The following SRGAP2 variants were observed in gnomAD, a reference collection of about 807,000 sequenced individuals.
The protein encoded by SRGAP2 is SLIT-ROBO Rho GTPase activating protein 2.
Under a neutral mutation model 57.2 loss-of-function variants are expected in SRGAP2, and 15 were observed. That is an observed-to-expected ratio of 0.26 (90% CI 0.18 to 0.40). The LOEUF is 0.40. SRGAP2 is among the 10% of genes least tolerant of loss of function. The pLI is 1.00. For synonymous variants in SRGAP2, 249 were observed against 248.0 expected, an observed-to-expected ratio of 1.00 and a Z score of -0.04; for missense variants, 520 against 669.6, an observed-to-expected ratio of 0.78 and a Z score of 2.47.
intron 3 of SRGAP2, among the ~76,000 whole-genome samples, chr1:206,314,685 G>A (rs1403993154): frequency 6.6e-6 from 1 of 152,102 alleles, no homozygotes; most frequent in African/African-American, 2.4e-5. Flanking sequence ...AATAGTAAGG[G>A]TTTAGAAGAA....
intron 4 of SRGAP2, among the ~76,000 whole-genome samples, chr1:206,355,129 G>A (rs1425073888): frequency 6.6e-6 from 1 of 152,034 alleles, no homozygotes; most frequent in Admixed American, 6.6e-5. Context: ...GTTTGTCCAA[G>A]CCAGTATCTA....
intron 12 of SRGAP2, among the ~76,000 whole-genome samples, chr1:206,420,852 C>A (rs1306669847): frequency 2.6e-5 from 4 of 152,062 alleles, no homozygotes; most frequent in Admixed American, 2.0e-4. Context: ...AGAAACAAAA[C>A]AAAAAGCATC....
intron 4 of SRGAP2, among the ~76,000 whole-genome samples, chr1:206,378,799 C>T (rs576533256): frequency 9.8e-5 from 15 of 152,292 alleles, no homozygotes; most frequent in Admixed American, 6.5e-4. Context: ...TAACACTCAC[C>T]GCGAAGGTCC....
intron 5 of SRGAP2, among the ~76,000 whole-genome samples, chr1:206,388,286 G>A (rs1387328844): frequency 6.6e-6 from 1 of 152,202 alleles, no homozygotes; most frequent in Admixed American, 6.5e-5. Flanking sequence ...AGCTACTTCA[G>A]ACTGGTATTT....
rs1416944857 is a variant in SRGAP2, at chr1:206,232,923, AAAC to A, written c.67+26890_67+26892del. ...TTAGAATGCATGTTTTTTCTTTTAA[AAAC>A]AACTTTATTCAGGTATAATTTATGT... is the stretch of plus-strand genomic sequence containing the variant. On this transcript the variant is annotated intron_variant, in intron 2 of 22. Transcript: ENST00000573034. 9.6e-5 allele frequency among the ~76,000 whole-genome samples: 13 copies of A among 136,038 alleles called. No individual in the cohort carries two copies. The Admixed American group carries it at 9.8e-4, about 10-fold the overall frequency. The allele number at this position is 136,038 out of a possible 152,430, so 89.2% of individuals were successfully genotyped here.
chr1:206,450,254 A>G (rs545820408), intron 18 of SRGAP2, 132 bp from the exon 19 acceptor site: 4 of 619,334 alleles, frequency 6.5e-6, no homozygotes, highest in African/African-American at 1.8e-5. Flanking sequence ...GCATTTGTCT[A>G]TTGTGTGCAG....
At chr1:206,295,863 G>A (rs1309581944) in intron 2 of SRGAP2, among the ~76,000 whole-genome samples, 21 of 151,926 alleles carry the variant, frequency 1.4e-4, no homozygotes, top group Admixed American at 6.5e-4. Flanking sequence ...AAGGCAAAGT[G>A]GTTTTTTTGT....
chr1:206,455,716 T>G (rs887490671), intron 21 of SRGAP2: 2 of 152,684 alleles, frequency 1.3e-5, no homozygotes, highest in East Asian at 3.8e-4. Context: ...TTCTACCCCC[T>G]TAGTCCCTTT....
chr1:206,338,049 A>G (rs1378512281), intron 3 of SRGAP2, among the ~76,000 whole-genome samples: 1 of 149,818 alleles, frequency 6.7e-6, no homozygotes, highest in Non-Finnish European at 1.5e-5. Context: ...TTACAGTGAT[A>G]ATGTCTTCTG....
chr1:206,266,928 G>T (rs1433152760), intron 2 of SRGAP2, among the ~76,000 whole-genome samples: 1 of 143,868 alleles, frequency 7.0e-6, no homozygotes, highest in Non-Finnish European at 1.5e-5. Flanking sequence ...TTCTTAAAGA[G>T]GCAGCTGAGA....
chr1:206,319,997 TG>T (rs1558304863), intron 3 of SRGAP2, among the ~76,000 whole-genome samples: 1 of 137,638 alleles, frequency 7.3e-6, no homozygotes, highest in Non-Finnish European at 1.5e-5. Flanking sequence ...TTAGTAGAGA[TG>T]GGGTTTTTCC....
At chr1:206,367,923 GA>G (rs1473736037) in intron 4 of SRGAP2, among the ~76,000 whole-genome samples, 6 of 151,884 alleles carry the variant, frequency 4.0e-5, no homozygotes, top group African/African-American at 1.5e-4. Flanking sequence ...CAGGAGGAAT[GA>G]AAAGAAGGAG....
At chr1:206,376,112 G>A (rs1655177118) in intron 4 of SRGAP2, among the ~76,000 whole-genome samples, 1 of 149,262 alleles carries the variant, frequency 6.7e-6, no homozygotes, top group African/African-American at 2.5e-5. Flanking sequence ...GATCTTTTCT[G>A]TTTAATCTAT....
At chr1:206,441,020 GT>G in intron 17 of SRGAP2, among the ~76,000 whole-genome samples, 1 of 152,290 alleles carries the variant, frequency 6.6e-6, no homozygotes, top group East Asian at 1.9e-4. Flanking sequence ...GGTCAGGTTT[GT>G]GATACATTTT....
At chr1:206,289,296 G>T (rs1273646578) in intron 2 of SRGAP2, among the ~76,000 whole-genome samples, 1 of 139,162 alleles carries the variant, frequency 7.2e-6, no homozygotes, top group African/African-American at 2.7e-5. Flanking sequence ...TTTTTGAGAC[G>T]GAGTCTCGCT....
chr1:206,281,612 C>A lies in SRGAP2; in HGVS notation c.68-21669C>A, dbSNP rs1455761621. On this transcript the variant is annotated intron_variant, in intron 2 of 22. Transcript: ENST00000573034. The stretch of plus-strand genomic sequence containing the variant: ...CTTTGGGAGGCTGAGTTGGGCAGAT[C>A]GCTTGAGGTCAGGAGTTTGAGACCA... Among the ~76,000 whole-genome samples the A allele has an allele frequency of 3.5e-5, 4 of 112,800 alleles. No individual in the cohort carries two copies. In the East Asian group the frequency reaches 9.6e-4, roughly 27 times the overall value. 74.0% of individuals were successfully genotyped at this position (112,800 alleles called of 152,430 possible). A position where few individuals can be genotyped will look rare whatever the true frequency, so the allele number is the denominator to read the frequency against.
At chr1:206,397,222 A>G (rs1453597142) in intron 7 of SRGAP2, among the ~76,000 whole-genome samples, 3 of 151,898 alleles carry the variant, frequency 2.0e-5, no homozygotes, top group African/African-American at 7.3e-5. Flanking sequence ...TGTCAGCATG[A>G]TGTTTTTGAA....
chr1:206,355,027 C>T (rs1209808139), intron 4 of SRGAP2, among the ~76,000 whole-genome samples: 1 of 152,176 alleles, frequency 6.6e-6, no homozygotes, highest in Non-Finnish European at 1.5e-5. Flanking sequence ...TCAAGACCTT[C>T]TCCTTTACAT....
At position 206,430,204 on chromosome 1, in the gene SRGAP2, C is replaced by T. The variant is rs1401526821; in HGVS notation, c.1537C>T (p.Arg513Trp). 4 of 780,660 alleles carry T rather than the reference C, an allele frequency of 5.1e-6. No homozygotes were observed. Among genetic ancestry groups the T allele is most frequent in the African/African-American group, 3.4e-5 (2 of 59,106 alleles). The allele number at this position is 780,660 out of a possible 1,614,324, so 48.4% of individuals were successfully genotyped here. ...AIPLVVESCI[R>W]FISRHGLQHE... Reference sequence around the variant, plus strand: ...TCCTCTGGTGGTGGAAAGCTGTATCCGGTTTATCAGCAGACACGGTAAGCA... The same window carrying T: ...TCCTCTGGTGGTGGAAAGCTGTATCTGGTTTATCAGCAGACACGGTAAGCA... Residue 513 changes from arginine to tryptophan, a missense_variant, in exon 14 of 23, where the codon CGG becomes TGG. By Grantham distance (101) the Arg-to-Trp change is moderately radical. Around this residue, in one of 5 missense-constraint regions of SRGAP2, gnomAD observed 478 missense variants for 373.6 expected, o/e 1.28. Transcript: ENST00000573034.
Sources: allele counts gnomAD v4.1 joint callset (sites outside exome capture counted in the v4.1 genomes callset), GRCh38; gene constraint gnomAD v4.1.1; regional missense constraint gnomAD v4.1.1; transcripts MANE v1.5; gene names NCBI Gene and HGNC (gene_info 2026-07-23, HGNC 2026-07-21).